The following CHL1 variants were observed in gnomAD, a reference collection of about 807,000 sequenced individuals.
CHL1 encodes cell adhesion molecule L1 like, also known as neural cell adhesion molecule L1-like protein.
A neutral mutation model predicts 141.9 loss-of-function variants in CHL1; 96 were observed. The observed-to-expected ratio is 0.68, with a 90% CI of 0.57 to 0.80. CHL1 has a LOEUF of 0.80. Among genes scored for constraint, CHL1 ranks in the 30% least tolerant of loss-of-function variants. The pLI, the probability that CHL1 is intolerant of heterozygous loss-of-function variation, is 0.00. For missense variants in CHL1, 1,820 were observed against 1,457.2 expected, an observed-to-expected ratio of 1.25 and a Z score of -4.05; for synonymous variants, 613 against 502.2, an observed-to-expected ratio of 1.22 and a Z score of -2.95.
intron 2 of CHL1, among the ~76,000 whole-genome samples, chr3:300,936 T>C (rs1317392851): frequency 4.0e-5 from 6 of 151,716 alleles, no homozygotes; most frequent in Admixed American, 2.6e-4. Flanking sequence ...GAGATTGGAG[T>C]GTTTAGGAAG....
At chr3:377,688 T>C (rs1706508992) in intron 15 of CHL1, 130 bp from the exon 16 acceptor site, 1 of 736,964 alleles carries the variant, frequency 1.4e-6, no homozygotes, top group African/African-American at 1.8e-5. Context: ...TCTAATCAAA[T>C]TTGCATTGCA....
At position 354,710 on chromosome 3, in the gene CHL1, T is replaced by A; in HGVS notation, c.1104T>A (p.Cys368Ter). 2 of 1,614,030 alleles carry A rather than the reference T, an allele frequency of 1.2e-6. No homozygotes were observed. The highest frequency in any genetic ancestry group is 1.7e-6 in the Non-Finnish European group (2 of 1,179,926). The change falls in exon 11 of 28, where the codon TGT (cysteine) becomes TGA (stop). Residue 368 changes from cysteine (C) to a stop codon, truncating the protein, a stop_gained. Transcript: ENST00000256509. LOFTEE classifies it high-confidence loss of function. ...CCGGAAGCAATGGCATCTTGTTATG[T>A]GAGGCTGAAGGAGAACCTCAACCCA... ...YSTGSNGILL[C>*]EAEGEPQPTI...
At chr3:351,046 C>T (rs1703211595) in intron 10 of CHL1, among the ~76,000 whole-genome samples, 1 of 152,118 alleles carries the variant, frequency 6.6e-6, no homozygotes, top group African/African-American at 2.4e-5. Flanking sequence ...TTGTTAGATT[C>T]TCCTCCAAGT....
At chr3:312,811 C>T (rs939349320) in intron 2 of CHL1, among the ~76,000 whole-genome samples, 14 of 152,056 alleles carry the variant, frequency 9.2e-5, no homozygotes, top group African/African-American at 3.4e-4. Context: ...TAAACATTTC[C>T]GAGTTATAGC....
chr3:348,280 A>T lies in CHL1; in HGVS notation c.849-1079A>T, dbSNP rs189941183. Among the ~76,000 whole-genome samples, 339 of 152,322 alleles carry T rather than the reference A, an allele frequency of 2.2e-3. 1 individual carries two copies. The highest frequency in any genetic ancestry group is 6.8e-3 in the Middle Eastern group (2 of 294). On this transcript the variant is annotated intron_variant, in intron 9 of 27. Transcript: ENST00000256509. Reference sequence around the variant, plus strand: ...GGAGCTTCAGACTCCTTACTGTTAAATGATCACAATAATATGCCCATCTTT... The same window carrying T: ...GGAGCTTCAGACTCCTTACTGTTAATTGATCACAATAATATGCCCATCTTT...
intron 2 of CHL1, among the ~76,000 whole-genome samples, chr3:295,506 A>C (rs1698108934): frequency 6.6e-6 from 1 of 152,306 alleles, no homozygotes; most frequent in African/African-American, 2.4e-5. Flanking sequence ...AATGATGTTA[A>C]GAAAGAGGTC....
At chr3:370,203 TTCGGCTG>T (rs1180145908) in intron 15 of CHL1, among the ~76,000 whole-genome samples, 1 of 152,226 alleles carries the variant, frequency 6.6e-6, no homozygotes, top group African/African-American at 2.4e-5. Flanking sequence ...TCTGGTAGAA[TTCGGCTG>T]TCAATCCATC....
At chr3:302,770 G>A (rs1484034059) in intron 2 of CHL1, among the ~76,000 whole-genome samples, 1 of 152,058 alleles carries the variant, frequency 6.6e-6, no homozygotes, top group East Asian at 1.9e-4. Context: ...TGTCAGTGTT[G>A]GCTTTTGTTG....
rs771129031 is a variant in CHL1 at position 361,704 on chromosome 3, C to G, written c.1312C>G (p.Arg438Gly). The stretch of plus-strand genomic sequence containing the variant: ...TTTATGTTATTTTCAAATAGATGTC[C>G]GTCCATTGATACAAACCAAAGATGG... ...ANANIDVVDV[R>G]PLIQTKDGEN... Residue 438 changes from arginine to glycine, a missense_variant, in exon 13 of 28, where the codon CGT becomes GGT. Coordinates refer to ENST00000256509, the MANE Select transcript of CHL1 (RefSeq NM_006614.4). 3.1e-6 allele frequency: 5 copies of G among 1,605,250 alleles called. No individual in the cohort carries two copies. The highest frequency in any genetic ancestry group is 4.3e-6 in the Non-Finnish European group (5 of 1,172,518).
intron 2 of CHL1, among the ~76,000 whole-genome samples, chr3:285,568 A>G (rs368109376): frequency 6.6e-6 from 1 of 152,206 alleles, no homozygotes; most frequent in East Asian, 1.9e-4. Flanking sequence ...GCTCCAGAGA[A>G]GAAGCCTGAC....
chr3:211,407 G>A (rs1575606828), intron 1 of CHL1, among the ~76,000 whole-genome samples: 1 of 152,312 alleles, frequency 6.6e-6, no homozygotes, highest in East Asian at 1.9e-4. Flanking sequence ...ATAGACAGCA[G>A]TAGAGCTTTC....
chr3:378,459 T>G (rs967982650), intron 16 of CHL1, among the ~76,000 whole-genome samples: 1 of 152,198 alleles, frequency 6.6e-6, no homozygotes, highest in African/African-American at 2.4e-5. Flanking sequence ...ATGAAAGTAC[T>G]AATCAGGAAA....
chr3:356,512 A>G (rs531302649), intron 11 of CHL1, among the ~76,000 whole-genome samples: 45 of 152,300 alleles, frequency 3.0e-4, no homozygotes, highest in Middle Eastern at 3.4e-3. Flanking sequence ...CCATTAGACA[A>G]ATAACACATG....
At chr3:322,593 C>G (rs557015162) in intron 3 of CHL1, among the ~76,000 whole-genome samples, 1 of 145,098 alleles carries the variant, frequency 6.9e-6, no homozygotes, top group African/African-American at 2.6e-5. Context: ...GAGTTCAAGA[C>G]CAGCCTGGCA....
intron 18 of CHL1, 53 bp from the exon 19 acceptor site, chr3:383,763 G>T: frequency 7.7e-7 from 1 of 1,304,642 alleles, no homozygotes; most frequent in South Asian, 1.2e-5. Context: ...GTGATATGAT[G>T]ACTTACCTAT....
chr3:215,601 A>G (rs181731648), intron 1 of CHL1, among the ~76,000 whole-genome samples: 221 of 152,332 alleles, frequency 1.5e-3, no homozygotes, highest in African/African-American at 5.2e-3. Context: ...CGGATATGCG[A>G]AAGCCAATGT....
At chr3:361,993 T>G (rs1477841575) in intron 13 of CHL1, among the ~76,000 whole-genome samples, 183 bp downstream of exon 13, 1 of 152,142 alleles carries the variant, frequency 6.6e-6, no homozygotes, top group Non-Finnish European at 1.5e-5. Context: ...ATTGGCTAGA[T>G]TTCTAGGATT....
chr3:210,974 T>C (rs1699858114), intron 1 of CHL1, among the ~76,000 whole-genome samples: 1 of 152,208 alleles, frequency 6.6e-6, no homozygotes, highest in African/African-American at 2.4e-5. Context: ...TAAGATTCTT[T>C]AGCAGGGTGG....
Position 382,210 on chromosome 3 carries a change from G to T in CHL1, c.1908G>T (p.Leu636Phe). Reference protein sequence around the residue: ...DVPDPPENLHLSERQNRSVRL... With the variant: ...DVPDPPENLHFSERQNRSVRL... ...CGGATCCACCAGAAAACCTTCACTT[G>T]TCTGAAAGACAGAACAGGAGTGTTC... The change falls in exon 17 of 28, where the codon TTG (leucine) becomes TTT (phenylalanine). Residue 636 changes from leucine to phenylalanine, a missense_variant. Leu to Phe is a conservative substitution (Grantham distance 22, BLOSUM62 0). Coordinates refer to ENST00000256509, the MANE Select transcript of CHL1 (RefSeq NM_006614.4). 1.2e-6 allele frequency: 2 copies of T among 1,613,528 alleles called. No individual in the cohort carries two copies. Among genetic ancestry groups the T allele is most frequent in the Non-Finnish European group, 1.7e-6 (2 of 1,179,676 alleles).
Sources: gnomAD v4.1 joint callset for allele counts (sites outside exome capture counted in the v4.1 genomes callset) on GRCh38, gnomAD v4.1.1 for gene constraint, MANE v1.5 for transcripts, NCBI Gene and HGNC (gene_info 2026-07-23, HGNC 2026-07-21) for gene names.